Variants in FNDC3B observed in about 807,000 individuals in gnomAD.
The protein encoded by FNDC3B is fibronectin type III domain-containing protein 3B.
FNDC3B carries 12 observed loss-of-function variants against 151.5 expected under a neutral mutation model. That is an observed-to-expected ratio of 0.08 (90% CI 0.05 to 0.13). The LOEUF is 0.13. FNDC3B is among the 10% of genes least tolerant of loss of function. The pLI, the probability that FNDC3B is intolerant of heterozygous loss-of-function variation, is 1.00. For missense variants in FNDC3B, 1,214 were observed against 1,505.3 expected (o/e 0.81, Z 3.20); for synonymous variants, 528 against 549.0 (o/e 0.96, Z 0.54).
At chr3:172,225,130 G>A (rs930331107) in intron 3 of FNDC3B, among the ~76,000 whole-genome samples, 1 of 152,126 alleles carries the variant, frequency 6.6e-6, no homozygotes, top group African/African-American at 2.4e-5. Flanking sequence ...ATTTGTTGTT[G>A]TTCACGTCTT....
At chr3:172,046,089 G>A (rs1397549385) in intron 1 of FNDC3B, among the ~76,000 whole-genome samples, 2 of 152,010 alleles carry the variant, frequency 1.3e-5, no homozygotes, top group African/African-American at 4.8e-5. Flanking sequence ...GAAGATCAGG[G>A]GACAGAAATG....
chr3:172,383,126 G>A (rs1295080048), intron 25 of FNDC3B, among the ~76,000 whole-genome samples: 2 of 152,146 alleles, frequency 1.3e-5, no homozygotes, highest in Non-Finnish European at 1.5e-5. Context: ...CCATTTGTTT[G>A]TGTCCTCTCT....
chr3:172,247,829 C>T, intron 5 of FNDC3B, 53 bp downstream of exon 5: 1 of 1,592,762 alleles, frequency 6.3e-7, no homozygotes, highest in Non-Finnish European at 8.6e-7. Context: ...TACAGCGTTT[C>T]AATAGTTCAA....
At chr3:172,213,470 A>G (rs1725828457) in intron 3 of FNDC3B, among the ~76,000 whole-genome samples, 1 of 152,236 alleles carries the variant, frequency 6.6e-6, no homozygotes. Flanking sequence ...CAGTATTCAC[A>G]GTTTTGTCTG....
chr3:172,111,096 T>TA (rs1240844592), intron 1 of FNDC3B, among the ~76,000 whole-genome samples: 8,130 of 104,656 alleles, frequency 0.078, 840 homozygotes, highest in African/African-American at 0.24. Flanking sequence ...GAGACTCCAT[T>TA]AAAAAAAAAA....
At chr3:172,221,374 G>A (rs1726269243) in intron 3 of FNDC3B, among the ~76,000 whole-genome samples, 1 of 152,138 alleles carries the variant, frequency 6.6e-6, no homozygotes, top group Non-Finnish European at 1.5e-5. Context: ...GGAAAGTCTG[G>A]TTCTTATAGT....
At chr3:172,126,840 G>C (rs1398673789) in intron 2 of FNDC3B, 1 of 289,926 alleles carries the variant, frequency 3.4e-6, no homozygotes, top group Admixed American at 4.1e-5. Context: ...GCTGGCTTTT[G>C]TTATGATAAT....
rs1424794125 is a variant in FNDC3B at position 172,401,369 on chromosome 3, T to C, written c.*3894T>C. 2 of 152,226 alleles carry C rather than the reference T, an allele frequency of 1.3e-5. No homozygotes were observed. The highest frequency in any genetic ancestry group is 2.4e-5 in the African/African-American group (1 of 41,450). The allele number at this position is 152,226 out of a possible 1,614,324, so 9.4% of individuals were successfully genotyped here. On this transcript the variant is annotated 3_prime_UTR_variant, in exon 26 of 26. Coordinates refer to ENST00000415807, the MANE Select transcript of FNDC3B (RefSeq NM_022763.4). ...GAGGACTGTGAGCCACAATCACATA[T>C]GTCCATGTTTCAAAAGAAGCTAAAT...
chr3:172,331,311 C>T (rs950231002), intron 13 of FNDC3B, among the ~76,000 whole-genome samples: 8 of 152,132 alleles, frequency 5.3e-5, no homozygotes, highest in African/African-American at 1.2e-4. Context: ...TTACTGTCCT[C>T]GTTGCTTCCA....
chr3:172,123,878 A>T (rs1720676284), intron 2 of FNDC3B, among the ~76,000 whole-genome samples: 1 of 152,230 alleles, frequency 6.6e-6, no homozygotes, highest in East Asian at 1.9e-4. Flanking sequence ...AGGAAATCAG[A>T]TACTAGGTTT....
chr3:172,127,100 A>G (rs1299004224), intron 2 of FNDC3B: 2 of 455,496 alleles, frequency 4.4e-6, no homozygotes, highest in South Asian at 3.1e-5. Flanking sequence ...AGCATGAAAC[A>G]TGGCAGATTT....
Position 172,329,004 on chromosome 3 carries a change from G to A in FNDC3B, c.1307G>A (p.Cys436Tyr). The A allele has an allele frequency of 1.2e-6, 2 of 1,613,734 alleles. No homozygotes were observed. The highest frequency in any genetic ancestry group is 1.7e-6 in the Non-Finnish European group (2 of 1,179,840). ...TGCTTCTTCGGGAGCCAGAAGCACTGCAAGTTGACAAAGCTTTGTCCGGCA... is the reference window on the plus strand; with the variant it reads ...TGCTTCTTCGGGAGCCAGAAGCACTACAAGTTGACAAAGCTTTGTCCGGCA... ...RQCFFGSQKH[C>Y]KLTKLCPAMG... is the part of the protein sequence containing the mutation. The change falls in exon 12 of 26, where the codon TGC (cysteine) becomes TAC (tyrosine). Residue 436 changes from cysteine to tyrosine, a missense_variant. Cys to Tyr is a radical substitution (Grantham distance 194). Around this residue, in one of 7 missense-constraint regions of FNDC3B, gnomAD observed 156 missense variants for 225.3 expected, o/e 0.69. Transcript: ENST00000415807.
intron 1 of FNDC3B, among the ~76,000 whole-genome samples, chr3:172,073,787 A>G (rs1717887714): frequency 6.6e-6 from 1 of 152,094 alleles, no homozygotes. Context: ...AACCTTTACA[A>G]CTGACTCCAC....
chr3:172,343,253 C>T, intron 18 of FNDC3B, 137 bp downstream of exon 18: 1 of 604,034 alleles, frequency 1.7e-6, no homozygotes, highest in East Asian at 2.9e-5. Flanking sequence ...CCATATTCTT[C>T]TTGAAGTATG....
At chr3:172,285,891 GT>G (rs1560057674) in intron 6 of FNDC3B, 34 bp from the exon 7 acceptor site, 2 of 1,553,958 alleles carry the variant, frequency 1.3e-6, no homozygotes, top group Admixed American at 3.3e-5. Flanking sequence ...CCTTCTAATG[GT>G]ATTGTTTTTC....
intron 3 of FNDC3B, among the ~76,000 whole-genome samples, chr3:172,207,750 C>T (rs1460191031): frequency 6.6e-6 from 1 of 152,178 alleles, no homozygotes; most frequent in Non-Finnish European, 1.5e-5. Flanking sequence ...GAGTTCAAAA[C>T]CAGCCCGACC....
At chr3:172,341,088 G>C in intron 16 of FNDC3B, 25 bp from the exon 17 acceptor site, 3 of 1,486,452 alleles carry the variant, frequency 2.0e-6, no homozygotes, top group Non-Finnish European at 2.8e-6. Flanking sequence ...GAGGCATAAA[G>C]TCATGCATAA....
chr3:172,194,717 C>T (rs1413095480), intron 3 of FNDC3B, among the ~76,000 whole-genome samples: 1 of 152,140 alleles, frequency 6.6e-6, no homozygotes, highest in South Asian at 2.1e-4. Flanking sequence ...CATATAAGTA[C>T]TTAATTTCAG....
chr3:172,076,280 T>C (rs886677636), intron 1 of FNDC3B, among the ~76,000 whole-genome samples: 1 of 152,212 alleles, frequency 6.6e-6, no homozygotes, highest in South Asian at 2.1e-4. Flanking sequence ...TGAGCACTAC[T>C]ATGTGTTAGG....
Sources: allele counts gnomAD v4.1 joint callset (sites outside exome capture counted in the v4.1 genomes callset), GRCh38; gene constraint gnomAD v4.1.1; regional missense constraint gnomAD v4.1.1; transcripts MANE v1.5; gene names NCBI Gene and HGNC (gene_info 2026-07-23, HGNC 2026-07-21).